PIK3C2G: variants seen among roughly 807,000 people sequenced by gnomAD.
PIK3C2G encodes the protein phosphatidylinositol 3-kinase C2 domain-containing subunit gamma.
PIK3C2G carries 168 observed loss-of-function variants against 181.1 expected under a neutral mutation model. The ratio of observed to expected loss-of-function variants is 0.93; its 90% CI spans 0.82 to 1.05. The LOEUF (loss-of-function observed/expected upper bound fraction) is 1.05, where lower values mean the gene tolerates loss of function less well. PIK3C2G is among the 50% of genes least tolerant of loss of function. The probability of loss-of-function intolerance (pLI) is 0.00; values close to 1 mark genes in which losing one functional copy is unlikely to be tolerated. For synonymous variants in PIK3C2G, 573 were observed against 592.2 expected (o/e 0.97, Z 0.47); for missense variants, 1,869 against 1,732.8 (o/e 1.08, Z -1.40).
chr12:18,699,796 C>A, the PIK3C2G span: 1 of 1,612,998 alleles, frequency 6.2e-7, no homozygotes, highest in Non-Finnish European at 8.5e-7. Context: ...AAATTTACCT[C>A]GCAATTTTGA....
At chr12:18,482,707 C>T (rs112229753) in intron 18 of PIK3C2G, among the ~76,000 whole-genome samples, 29 of 152,232 alleles carry the variant, frequency 1.9e-4, no homozygotes, top group Non-Finnish European at 3.1e-4. Flanking sequence ...GAGCAGAAGT[C>T]TAAACTGGGG....
chr12:18,538,501 G>A (rs1943983787), intron 25 of PIK3C2G, among the ~76,000 whole-genome samples, 189 bp downstream of exon 25: 1 of 151,894 alleles, frequency 6.6e-6, no homozygotes, highest in Non-Finnish European at 1.5e-5. Flanking sequence ...TTCGTTCATA[G>A]TTATTGTCTC....
intron 29 of PIK3C2G, among the ~76,000 whole-genome samples, chr12:18,583,534 C>A (rs1946611978): frequency 6.6e-6 from 1 of 152,008 alleles, no homozygotes; most frequent in Non-Finnish European, 1.5e-5. Flanking sequence ...CAGCCCTTGT[C>A]CTGCTGTCTC....
intron 31 of PIK3C2G, among the ~76,000 whole-genome samples, 153 bp downstream of exon 31, chr12:18,609,782 C>T (rs760748964): frequency 2.0e-4 from 30 of 152,050 alleles, no homozygotes; most frequent in Non-Finnish European, 3.2e-4. Context: ...ATTTTTGCCT[C>T]GGGATGATTG....
the PIK3C2G span, among the ~76,000 whole-genome samples, chr12:18,689,997 C>G: frequency 1.3e-5 from 2 of 152,128 alleles, no homozygotes; most frequent in Non-Finnish European, 2.9e-5. Flanking sequence ...CCAGTTACAC[C>G]TCAACAAGAG....
the PIK3C2G span, among the ~76,000 whole-genome samples, chr12:18,722,259 A>G: frequency 6.6e-6 from 1 of 152,102 alleles, no homozygotes; most frequent in South Asian, 2.1e-4. Flanking sequence ...CTCTTAAGAT[A>G]TCCTTTTACA....
chr12:18,701,534 C>T, the PIK3C2G span: 1 of 1,613,914 alleles, frequency 6.2e-7, no homozygotes, highest in Non-Finnish European at 8.5e-7. Flanking sequence ...CTCCAGGTAA[C>T]TTTTTTACCC....
chr12:18,323,936 A>G (rs966523347), intron 7 of PIK3C2G, among the ~76,000 whole-genome samples: 1 of 152,084 alleles, frequency 6.6e-6, no homozygotes, highest in South Asian at 2.1e-4. Context: ...AGACACTGCC[A>G]TTGGCCGGGC....
intron 29 of PIK3C2G, among the ~76,000 whole-genome samples, chr12:18,571,004 C>T (rs1455284101): frequency 6.6e-6 from 1 of 150,762 alleles, no homozygotes; most frequent in African/African-American, 2.5e-5. Context: ...ACCTATCTAA[C>T]TTACACATTT....
chr12:18,518,701 T>C (rs1397979876), intron 24 of PIK3C2G, among the ~76,000 whole-genome samples: 1 of 152,180 alleles, frequency 6.6e-6, no homozygotes, highest in Non-Finnish European at 1.5e-5. Context: ...TCATTGATTT[T>C]TTTGGAGGTT....
intron 18 of PIK3C2G, among the ~76,000 whole-genome samples, chr12:18,435,596 T>G (rs1031414009): frequency 6.6e-6 from 1 of 152,140 alleles, no homozygotes; most frequent in African/African-American, 2.4e-5. Context: ...TTAACATGAC[T>G]TGGCAATGGA....
At chr12:18,381,387 AAG>A (rs1942824115) in intron 13 of PIK3C2G, among the ~76,000 whole-genome samples, 1 of 152,090 alleles carries the variant, frequency 6.6e-6, no homozygotes, top group Non-Finnish European at 1.5e-5. Context: ...ATATGTTCTG[AAG>A]AGTTGACATC....
intron 2 of PIK3C2G, 57 bp downstream of exon 2, chr12:18,282,816 G>C: frequency 8.6e-7 from 1 of 1,164,980 alleles, no homozygotes; most frequent in Non-Finnish European, 1.2e-6. Context: ...ATTCAATAAT[G>C]TATTGGGTTA....
At chr12:18,497,931 T>C (rs562217852) in intron 22 of PIK3C2G, among the ~76,000 whole-genome samples, 183 bp downstream of exon 22, 5 of 152,350 alleles carry the variant, frequency 3.3e-5, no homozygotes, top group African/African-American at 1.2e-4. Flanking sequence ...AGAATTTATA[T>C]AAAGCATAAT....
At chr12:18,685,551 G>C in the PIK3C2G span, 13 of 433,046 alleles carry the variant, frequency 3.0e-5, no homozygotes, top group Admixed American at 3.0e-4. Flanking sequence ...TGGTTCACCT[G>C]TGGTCACAAG....
At position 18,263,920 on chromosome 12, in the gene PIK3C2G, C is replaced by T. The variant is rs145120427; in HGVS notation, c.-79+2343C>T. On this transcript the variant is annotated intron_variant, in intron 1 of 32. Coordinates refer to ENST00000538779, the MANE Select transcript of PIK3C2G (RefSeq NM_001288772.2). ...GATATATACCTTTTCATTTCTTCAT[C>T]TTAGAGAACATTTATATTTGTGCTT... Among the ~76,000 whole-genome samples, 3 of 152,124 alleles carry T rather than the reference C, an allele frequency of 2.0e-5. No homozygotes were observed. In the East Asian group the frequency reaches 5.8e-4, roughly 29 times the overall value.
At chr12:18,258,705 T>C (rs1948173556), upstream of PIK3C2G, among the ~76,000 whole-genome samples, 1 of 152,000 alleles carries the variant, frequency 6.6e-6, no homozygotes, top group Admixed American at 6.6e-5. Flanking sequence ...TCATCTATGT[T>C]GATTCTTTGA....
chr12:18,675,928 A>G, the PIK3C2G span, among the ~76,000 whole-genome samples: 1 of 152,102 alleles, frequency 6.6e-6, no homozygotes, highest in Non-Finnish European at 1.5e-5. Context: ...TTAACTATTA[A>G]AATGACAAGC....
intron 13 of PIK3C2G, among the ~76,000 whole-genome samples, chr12:18,375,452 C>T (rs1942368789): frequency 6.6e-6 from 1 of 152,198 alleles, no homozygotes; most frequent in South Asian, 2.1e-4. Flanking sequence ...CTGCTGCTAA[C>T]AGCCTCATCT....
Sources: gnomAD v4.1 joint callset for allele counts (sites outside exome capture counted in the v4.1 genomes callset) on GRCh38, gnomAD v4.1.1 for gene constraint, MANE v1.5 for transcripts, NCBI Gene and HGNC (gene_info 2026-07-23, HGNC 2026-07-21) for gene names.